Variants in TNFRSF8 observed in about 807,000 individuals in gnomAD.
TNFRSF8 encodes TNF receptor superfamily member 8.
Under a neutral mutation model 70.8 loss-of-function variants are expected in TNFRSF8, and 26 were observed. The ratio of observed to expected loss-of-function variants is 0.37; its 90% CI spans 0.27 to 0.51. TNFRSF8 has a LOEUF of 0.51. Among genes scored for constraint, TNFRSF8 ranks in the 20% least tolerant of loss-of-function variants. TNFRSF8 has a pLI of 0.94. For synonymous variants in TNFRSF8, 356 were observed against 339.2 expected (o/e 1.05, Z -0.54); for missense variants, 720 against 807.9 (o/e 0.89, Z 1.32).
At chr1:12,115,449 C>A in intron 7 of TNFRSF8, 128 bp from the exon 8 acceptor site, 1 of 1,043,472 alleles carries the variant, frequency 9.6e-7, no homozygotes, top group Non-Finnish European at 1.5e-6. Context: ...ACGGCATAGT[C>A]AGACGAGCAT....
At chr1:12,087,936 G>C (rs1269860876) in intron 2 of TNFRSF8, among the ~76,000 whole-genome samples, 3 of 151,944 alleles carry the variant, frequency 2.0e-5, no homozygotes, top group Non-Finnish European at 4.4e-5. Context: ...CATTTTACTG[G>C]TGTTTTATTG....
chr1:12,073,845 C>T (rs1298545743), intron 1 of TNFRSF8, among the ~76,000 whole-genome samples: 1 of 152,074 alleles, frequency 6.6e-6, no homozygotes, highest in African/African-American at 2.4e-5. Context: ...ATCTGCCTGC[C>T]TCGGCCTCCC....
chr1:12,093,173 T>C (rs1478839389), intron 2 of TNFRSF8, among the ~76,000 whole-genome samples: 1 of 152,192 alleles, frequency 6.6e-6, no homozygotes, highest in African/African-American at 2.4e-5. Flanking sequence ...TCATTTTAAC[T>C]GGATTGCCTC....
chr1:12,083,086 T>A (rs1641093197), intron 1 of TNFRSF8, among the ~76,000 whole-genome samples: 1 of 151,926 alleles, frequency 6.6e-6, no homozygotes, highest in Admixed American at 6.6e-5. Flanking sequence ...ATCAGAGAAA[T>A]GCAAATAAAA....
chr1:12,076,547 T>C (rs2100954685), intron 1 of TNFRSF8, among the ~76,000 whole-genome samples: 1 of 152,324 alleles, frequency 6.6e-6, no homozygotes, highest in South Asian at 2.1e-4. Context: ...CTCCACCCTC[T>C]ATGCTGTTTC....
intron 12 of TNFRSF8, among the ~76,000 whole-genome samples, chr1:12,133,164 G>C (rs1642081056): frequency 6.6e-6 from 1 of 152,160 alleles, no homozygotes; most frequent in African/African-American, 2.4e-5. Flanking sequence ...CCTCAAGAGG[G>C]ATGACTGGGT....
In TNFRSF8 at chr1:12,096,827, T is replaced by C. The variant is rs1641339537; in HGVS notation, c.152-274T>C. Among the ~76,000 whole-genome samples, 2 of 152,182 alleles carry C rather than the reference T, an allele frequency of 1.3e-5. 1 individual carries two copies. The highest frequency in any genetic ancestry group is 3.8e-4 in the East Asian group (2 of 5,202). On this transcript the variant is annotated intron_variant, in intron 2 of 14. Transcript: ENST00000263932. ...CACACAAATAGTGCTGACAAGGTCA[T>C]TATCACGCAATTGGCAAATGGCAGC...
intron 3 of TNFRSF8, among the ~76,000 whole-genome samples, chr1:12,103,497 T>C (rs1254273321): frequency 6.6e-6 from 1 of 152,136 alleles, no homozygotes; most frequent in Admixed American, 6.5e-5. Context: ...TGAAACAGGG[T>C]ATCACTCTTT....
Position 12,125,837 on chromosome 1 carries a change from G to A in TNFRSF8, c.1154-114G>A, listed in dbSNP as rs1012676893. The A allele has an allele frequency of 1.2e-5, 10 of 845,046 alleles. No homozygotes were observed. In the Admixed American group the frequency reaches 1.6e-4, roughly 13 times the overall value. The allele number at this position is 845,046 out of a possible 1,614,324, so 52.3% of individuals were successfully genotyped here. ...AGCCTTGGCTTGGAAAGGACCTGTT[G>A]TTGTTAGCCATGATGGAAGCTGTGT... On this transcript the variant is annotated intron_variant, in intron 10 of 14. Transcript: ENST00000263932.
At chr1:12,136,895 T>TA (rs1642156481) in intron 13 of TNFRSF8, among the ~76,000 whole-genome samples, 1 of 136,100 alleles carries the variant, frequency 7.3e-6, no homozygotes, top group South Asian at 2.3e-4. Context: ...TTTTTTTTTT[T>TA]AATTTTTTTA....
intron 2 of TNFRSF8, among the ~76,000 whole-genome samples, chr1:12,087,846 G>A (rs1011229223): frequency 6.6e-6 from 1 of 152,254 alleles, no homozygotes; most frequent in Non-Finnish European, 1.5e-5. Flanking sequence ...GGAAGAGGGG[G>A]CTCCCTCCTC....
chr1:12,100,150 TAG>T (rs1441601072), intron 3 of TNFRSF8, among the ~76,000 whole-genome samples: 1 of 151,550 alleles, frequency 6.6e-6, no homozygotes, highest in Non-Finnish European at 1.5e-5. Flanking sequence ...GCCTGGGTGA[TAG>T]AGTGAGACAC....
chr1:12,138,265 G>T lies in TNFRSF8; in HGVS notation c.1372G>T (p.Ala458Ser). The change falls in exon 14 of 15, where the codon GCG (alanine) becomes TCG (serine). Residue 458 changes from alanine to serine, a missense_variant. By Grantham distance (99) the Ala-to-Ser change is moderately conservative (BLOSUM62 1). Transcript: ENST00000263932. This position sits in a 1 kb window ranked among gnomAD's most constrained non-coding sequence, Gnocchi z 5.7. ...RSGASVTEPV[A>S]EERGLMSQPL... ...TGGTGCGTCGGTGACAGAACCCGTC[G>T]CGGAAGAGCGAGGGTTAATGAGCCA... The T allele has an allele frequency of 6.2e-7, 1 of 1,613,528 alleles. No individual in the cohort carries two copies. The highest frequency in any genetic ancestry group is 8.5e-7 in the Non-Finnish European group (1 of 1,179,902).
chr1:12,115,454 G>T, intron 7 of TNFRSF8, 123 bp from the exon 8 acceptor site: 1 of 1,071,716 alleles, frequency 9.3e-7, no homozygotes, highest in Admixed American at 1.7e-5. Context: ...ATAGTCAGAC[G>T]AGCATTTATT....
rs371499265 is a variant in TNFRSF8 at position 12,110,048 on chromosome 1, A to G, written c.520A>G (p.Ile174Val). 5 of 1,612,716 alleles carry G rather than the reference A, an allele frequency of 3.1e-6. No individual in the cohort carries two copies. The Middle Eastern group carries it at 4.9e-4, about 159-fold the overall frequency. Residue 174 changes from isoleucine to valine, a missense_variant, in exon 6 of 15, where the codon ATC (isoleucine) becomes GTC (valine). Coordinates refer to ENST00000263932, the MANE Select transcript of TNFRSF8 (RefSeq NM_001243.5). This position sits in a 1 kb window ranked among gnomAD's most constrained non-coding sequence, Gnocchi z 4.0. ...ENCKEPSSGTIPQAKPTPVSP... is the reference protein window; with the variant it reads ...ENCKEPSSGTVPQAKPTPVSP... ...CTCTGGCTTCTTCCCCAGTGGCACC[A>G]TCCCCCAGGCCAAGCCCACCCCGGT...
At chr1:12,069,966 C>G (rs375083755) in intron 1 of TNFRSF8, among the ~76,000 whole-genome samples, 2 of 152,160 alleles carry the variant, frequency 1.3e-5, no homozygotes, top group African/African-American at 4.8e-5. Context: ...GTAAAAGCCC[C>G]AAGAGGCTAG....
At chr1:12,104,316 A>C in intron 3 of TNFRSF8, 63 bp from the exon 4 acceptor site, 98 of 1,589,404 alleles carry the variant, frequency 6.2e-5, no homozygotes, top group Non-Finnish European at 8.2e-5. Flanking sequence ...CCTCATCTCA[A>C]GAGCTATCTG....
chr1:12,072,452 G>C (rs1299540665), intron 1 of TNFRSF8, among the ~76,000 whole-genome samples: 1 of 152,258 alleles, frequency 6.6e-6, no homozygotes, highest in East Asian at 1.9e-4. Flanking sequence ...AGGGGAAGGA[G>C]CCTCCAGAGT....
intron 4 of TNFRSF8, 118 bp downstream of exon 4, chr1:12,104,649 A>T: frequency 7.8e-7 from 1 of 1,282,572 alleles, no homozygotes; most frequent in Non-Finnish European, 1.1e-6. Flanking sequence ...TGTTGGACAG[A>T]TCATGTCTCC....
Sources: gnomAD v4.1 joint callset for allele counts (sites outside exome capture counted in the v4.1 genomes callset) on GRCh38, gnomAD v4.1.1 for gene constraint, Gnocchi (gnomAD v3.1) non-coding constraint, MANE v1.5 for transcripts, NCBI Gene and HGNC (gene_info 2026-07-23, HGNC 2026-07-21) for gene names.